The following CEP128 variants were observed in gnomAD, a reference collection of about 807,000 sequenced individuals.
CEP128 encodes the protein centrosomal protein 128, also known as centrosomal protein 128kDa.
Under a neutral mutation model 156.7 loss-of-function variants are expected in CEP128, and 132 were observed. The ratio of observed to expected loss-of-function variants is 0.84; its 90% confidence interval spans 0.73 to 0.97. The LOEUF is 0.97. Ranked by LOEUF, CEP128 falls within the 50% of genes least tolerant of loss-of-function variation. CEP128 has a pLI of 0.00. For missense variants in CEP128, 1,252 were observed against 1,281.9 expected (o/e 0.98, Z 0.36); for synonymous variants, 469 against 448.9 (o/e 1.04, Z -0.57).
intron 2 of CEP128, among the ~76,000 whole-genome samples, chr14:80,919,876 T>C (rs1884760805): frequency 1.3e-5 from 2 of 152,200 alleles, no homozygotes; most frequent in Non-Finnish European, 2.9e-5. Flanking sequence ...GTTAAGTTAC[T>C]GTGAGCAATA....
chr14:80,532,640 T>G (rs1889282479), intron 21 of CEP128, among the ~76,000 whole-genome samples: 1 of 152,202 alleles, frequency 6.6e-6, no homozygotes, highest in Non-Finnish European at 1.5e-5. Flanking sequence ...ATTACTCCAA[T>G]GCAAATGGCT....
intron 16 of CEP128, among the ~76,000 whole-genome samples, chr14:80,772,209 C>G (rs769794871): frequency 6.6e-6 from 1 of 152,076 alleles, no homozygotes; most frequent in Non-Finnish European, 1.5e-5. Context: ...TTTGGCCCAC[C>G]CATCCCTCTA....
intron 13 of CEP128, among the ~76,000 whole-genome samples, chr14:80,812,481 C>T (rs1478313757): frequency 6.6e-6 from 1 of 152,016 alleles, no homozygotes; most frequent in Non-Finnish European, 1.5e-5. Flanking sequence ...AATCTAGAAA[C>T]TGCTTTCCAC....
chr14:80,661,415 A>G (rs141178392), intron 19 of CEP128, among the ~76,000 whole-genome samples: 21 of 152,308 alleles, frequency 1.4e-4, no homozygotes, highest in African/African-American at 5.1e-4. Context: ...ACCACAGTGG[A>G]AGCAGGAAGT....
At chr14:80,567,461 A>G (rs545559722) in intron 20 of CEP128, among the ~76,000 whole-genome samples, 1 of 152,180 alleles carries the variant, frequency 6.6e-6, no homozygotes, top group Admixed American at 6.5e-5. Context: ...ATCCCTATAC[A>G]TACTTCTAGG....
At chr14:80,524,147 T>C (rs1206880864) in intron 23 of CEP128, among the ~76,000 whole-genome samples, 3 of 152,202 alleles carry the variant, frequency 2.0e-5, no homozygotes, top group Non-Finnish European at 2.9e-5. Flanking sequence ...TCTGCATCTT[T>C]ATACATTTGT....
intron 23 of CEP128, among the ~76,000 whole-genome samples, chr14:80,523,512 G>A (rs1404469012): frequency 2.0e-5 from 3 of 152,132 alleles, no homozygotes; most frequent in African/African-American, 7.2e-5. Context: ...ATTCTCCTGA[G>A]CTCCTAGCAC....
chr14:80,801,392 C>T (rs1375574953), intron 13 of CEP128, among the ~76,000 whole-genome samples: 3 of 62,064 alleles, frequency 4.8e-5, no homozygotes, highest in Non-Finnish European at 9.3e-5. Context: ...ATATCCCTTA[C>T]TAGTTTTTGA....
At chr14:80,524,848 C>G (rs991896108) in intron 23 of CEP128, among the ~76,000 whole-genome samples, 1 of 152,182 alleles carries the variant, frequency 6.6e-6, no homozygotes, top group Non-Finnish European at 1.5e-5. Flanking sequence ...TATACTTGCA[C>G]TATCTACTTG....
At chr14:80,498,499 G>C (rs1887593459) in intron 24 of CEP128, among the ~76,000 whole-genome samples, 1 of 152,160 alleles carries the variant, frequency 6.6e-6, no homozygotes, top group Non-Finnish European at 1.5e-5. Flanking sequence ...TCGCTCAGTA[G>C]CCCGTATCTC....
At chr14:80,491,153 A>G (rs1221275038) in intron 6 of CEP128, among the ~76,000 whole-genome samples, 1 of 152,220 alleles carries the variant, frequency 6.6e-6, no homozygotes, top group African/African-American at 2.4e-5. Context: ...AAATTAAGAA[A>G]TGAGCAATGA....
intron 2 of CEP128, among the ~76,000 whole-genome samples, chr14:80,917,177 A>G (rs1884610161): frequency 6.6e-6 from 1 of 152,258 alleles, no homozygotes; most frequent in South Asian, 2.1e-4. Flanking sequence ...ATAGAAAGCC[A>G]GACATCCTAA....
At chr14:80,644,883 A>G (rs1894571195) in intron 19 of CEP128, among the ~76,000 whole-genome samples, 2 of 152,156 alleles carry the variant, frequency 1.3e-5, no homozygotes. Context: ...ATTCAACAAT[A>G]TGTTCTGAAA....
intron 20 of CEP128, among the ~76,000 whole-genome samples, chr14:80,572,877 T>C (rs967200571): frequency 1.3e-5 from 2 of 152,152 alleles, no homozygotes; most frequent in Admixed American, 6.5e-5. Context: ...ATCTTCCCCC[T>C]GGTGGGAGGA....
chr14:80,795,362 G>A (rs972800645), intron 13 of CEP128, among the ~76,000 whole-genome samples: 20 of 152,176 alleles, frequency 1.3e-4, no homozygotes, highest in African/African-American at 3.9e-4. Context: ...TTGTCAAGGA[G>A]ATGACCACTC....
At chr14:80,527,766 T>C (rs1247474877) in intron 22 of CEP128, among the ~76,000 whole-genome samples, 1 of 152,236 alleles carries the variant, frequency 6.6e-6, no homozygotes, top group Non-Finnish European at 1.5e-5. Flanking sequence ...TTAACTATTA[T>C]GTCGCATAGA....
intron 9 of CEP128, among the ~76,000 whole-genome samples, chr14:80,852,701 C>CAAA (rs1439246918): frequency 6.6e-6 from 1 of 151,704 alleles, no homozygotes; most frequent in Non-Finnish European, 1.5e-5. Flanking sequence ...ATATTAGACA[C>CAAA]AAATTGTTTT....
At chr14:80,734,790 A>G (rs1190246822) in intron 19 of CEP128, among the ~76,000 whole-genome samples, 9 of 148,544 alleles carry the variant, frequency 6.1e-5, no homozygotes, top group African/African-American at 2.2e-4. Context: ...AGAGGTTGCA[A>G]TGAGCTGAGA....
chr14:80,727,187 C>T (rs989315223), intron 19 of CEP128, among the ~76,000 whole-genome samples: 6 of 151,900 alleles, frequency 3.9e-5, no homozygotes, highest in East Asian at 1.9e-4. Flanking sequence ...CCTTATACCA[C>T]GACTTAAACA....
Sources: gnomAD v4.1 joint callset for allele counts (sites outside exome capture counted in the v4.1 genomes callset) on GRCh38, gnomAD v4.1.1 for gene constraint, MANE v1.5 for transcripts, NCBI Gene and HGNC (gene_info 2026-07-23, HGNC 2026-07-21) for gene names.